DNAJC10: variants seen among roughly 807,000 people sequenced by gnomAD.
The protein encoded by DNAJC10 is DnaJ heat shock protein family (Hsp40) member C10.
In DNAJC10, 101 loss-of-function variants were observed where a neutral mutation model predicts 115.0. That is an observed-to-expected ratio of 0.88 (90% CI 0.75 to 1.04). The LOEUF (loss-of-function observed/expected upper bound fraction) is 1.04. DNAJC10 is among the 50% of genes least tolerant of loss of function. The probability of loss-of-function intolerance (pLI) is 0.00; values close to 1 mark genes in which losing one functional copy is unlikely to be tolerated. For missense variants in DNAJC10, 981 were observed against 928.8 expected, an observed-to-expected ratio of 1.06 and a Z score of -0.73; for synonymous variants, 307 against 301.5, an observed-to-expected ratio of 1.02 and a Z score of -0.19.
intron 14 of DNAJC10, among the ~76,000 whole-genome samples, chr2:182,750,753 T>G (rs1252567850): frequency 1.3e-5 from 2 of 152,198 alleles, no homozygotes; most frequent in Non-Finnish European, 2.9e-5. Context: ...TGTATCTAAA[T>G]GTATCTAAAC....
Position 182,757,830 on chromosome 2 carries a change from G to C in DNAJC10, c.1943+5G>C. On this transcript the variant is annotated splice_donor_5th_base_variant and intron_variant, in intron 19 of 23. Transcript: ENST00000264065. ...AAATAAAGCTTATCATTATCAGTAA[G>C]TATTCTCTCATATTTGAAGACATTT... 1 of 1,393,068 alleles carries C rather than the reference G, an allele frequency of 7.2e-7. No individual in the cohort carries two copies. Among genetic ancestry groups the C allele is most frequent in the Non-Finnish European group, 1.0e-6 (1 of 1,000,662 alleles). The allele number at this position is 1,393,068 out of a possible 1,614,324, so 86.3% of individuals were successfully genotyped here.
In DNAJC10 at chr2:182,777,521, A is replaced by G. The variant is rs1694739941; in HGVS notation, c.*389A>G. On this transcript the variant is annotated 3_prime_UTR_variant, in exon 24 of 24. Transcript: ENST00000264065. ...TGCTGTCCCCCTCGACGGACTTATA[A>G]TGTTTCAGGTGGCTGGCTTGAACAT... is the stretch of plus-strand genomic sequence containing the variant. The G allele has an allele frequency of 6.5e-6, 1 of 154,538 alleles. No individual in the cohort carries two copies. Among genetic ancestry groups the G allele is most frequent in the South Asian group, 2.1e-4 (1 of 4,870 alleles). 9.6% of individuals were successfully genotyped at this position (154,538 alleles called of 1,614,324 possible).
Position 182,779,125 on chromosome 2 carries a change from T to C in DNAJC10, c.*1993T>C, listed in dbSNP as rs1432072240. ...ATGTGTCCTATAATTTGACCTAAGCTGTGTGCCTTTGGAATCAGCTCTAAG... is the reference window on the plus strand; with the variant it reads ...ATGTGTCCTATAATTTGACCTAAGCCGTGTGCCTTTGGAATCAGCTCTAAG... On this transcript the variant is annotated 3_prime_UTR_variant, in exon 24 of 24. Coordinates refer to ENST00000264065, the MANE Select transcript of DNAJC10 (RefSeq NM_018981.4). The C allele has an allele frequency of 3.9e-5, 6 of 152,334 alleles. No individual in the cohort carries two copies. The East Asian group carries it at 7.7e-4, about 20-fold the overall frequency. 9.4% of individuals were successfully genotyped at this position (152,334 alleles called of 1,614,324 possible).
At chr2:182,745,870 C>G (rs1275221607) in intron 14 of DNAJC10, among the ~76,000 whole-genome samples, 7 of 152,042 alleles carry the variant, frequency 4.6e-5, no homozygotes, top group Admixed American at 4.6e-4. Flanking sequence ...GTATATCTCC[C>G]CATGCTATGT....
intron 22 of DNAJC10, among the ~76,000 whole-genome samples, chr2:182,771,310 A>C (rs1344238616): frequency 6.6e-6 from 1 of 152,128 alleles, no homozygotes; most frequent in African/African-American, 2.4e-5. Context: ...TGTCTCTGCC[A>C]GGCTTTGGTA....
rs575802611 is a variant in DNAJC10, at chr2:182,758,097, C to G, written c.1943+272C>G. ...TAAACACCTTATTTGGTTTCAGGTA[C>G]TATATTAGATACTTTACTCACCTTA... On this transcript the variant is annotated intron_variant, in intron 19 of 23. Transcript: ENST00000264065. 1.2e-3 allele frequency among the ~76,000 whole-genome samples: 186 copies of G among 152,222 alleles called. 1 individual carries two copies. The highest frequency in any genetic ancestry group is 4.2e-3 in the African/African-American group (176 of 41,554).
rs1694898249 is a variant in DNAJC10 at position 182,783,835 on chromosome 2, G to A, written c.*6703G>A. 6.6e-6 allele frequency: 1 copy of A among 152,008 alleles called. No individual in the cohort carries two copies. Among genetic ancestry groups the A allele is most frequent in the South Asian group, 2.1e-4 (1 of 4,814 alleles). 9.4% of individuals were successfully genotyped at this position (152,008 alleles called of 1,614,324 possible). On this transcript the variant is annotated 3_prime_UTR_variant, in exon 24 of 24. Transcript: ENST00000264065. ...TTTTTAGTATGTTAGCAATTCATCT[G>A]TCAATAATCACCAAAGAACTCAAGA...
chr2:182,752,244 G>T, intron 16 of DNAJC10, 56 bp downstream of exon 16: 1 of 905,122 alleles, frequency 1.1e-6, no homozygotes, highest in Non-Finnish European at 1.6e-6. Context: ...AAGACCTTTT[G>T]GCTGTTTATT....
intron 11 of DNAJC10, among the ~76,000 whole-genome samples, chr2:182,738,613 T>G (rs1197680681): frequency 6.6e-6 from 1 of 151,862 alleles, no homozygotes; most frequent in African/African-American, 2.4e-5. Flanking sequence ...CGATCTCCAC[T>G]CACTGCAAGC....
chr2:182,753,579 G>GTTTTTTTTTTTTTTTT (rs56151760), intron 16 of DNAJC10, among the ~76,000 whole-genome samples: 1 of 99,400 alleles, frequency 1.0e-5, no homozygotes. Context: ...CTTTAGTTTA[G>GTTTTTTTTTTTTTTTT]TTTTTTTTTT....
rs531050462 is a variant in DNAJC10 at position 182,775,777 on chromosome 2, A to C, written c.2370+357A>C. ...TCCATTGAATAGAATATTTTCAGCC[A>C]TAAAAGGAATGAAGTACTGACCTAT... On this transcript the variant is annotated intron_variant, in intron 23 of 23. Transcript: ENST00000264065. 9.4e-4 allele frequency among the ~76,000 whole-genome samples: 143 copies of C among 152,360 alleles called. 1 individual carries two copies. The highest frequency in any genetic ancestry group is 3.3e-3 in the African/African-American group (136 of 41,586).
chr2:182,721,630 G>A (rs1310025247), intron 4 of DNAJC10, among the ~76,000 whole-genome samples: 1 of 152,012 alleles, frequency 6.6e-6, no homozygotes, highest in Non-Finnish European at 1.5e-5. Context: ...CCTGGTTTTC[G>A]ATATTGTGCT....
intron 10 of DNAJC10, among the ~76,000 whole-genome samples, chr2:182,732,973 A>T (rs1232588872): frequency 6.6e-6 from 1 of 152,034 alleles, no homozygotes; most frequent in Non-Finnish European, 1.5e-5. Flanking sequence ...ACAAAGCCAC[A>T]CAAATTGTCA....
chr2:182,775,270 T>C (rs1378728577), intron 22 of DNAJC10, 46 bp from the exon 23 acceptor site: 9 of 1,216,304 alleles, frequency 7.4e-6, no homozygotes, highest in Middle Eastern at 2.3e-4. Flanking sequence ...GGAAATGTTA[T>C]GTTTTTATTA....
At chr2:182,777,056 C>T in intron 23 of DNAJC10, 65 bp from the exon 24 acceptor site, 1 of 1,094,000 alleles carries the variant, frequency 9.1e-7, no homozygotes, top group Non-Finnish European at 1.3e-6. Flanking sequence ...GGTATTTCAC[C>T]TTATTTTTAA....
rs754885947 is a variant in DNAJC10, at chr2:182,728,586, T to A, written c.429T>A (p.Val143=). The part of the protein sequence containing the change: ...TLERREFDAA[V]NSGELWFVNF... Reference sequence around the variant, plus strand: ...TTTATGTATTTTTAGATGCTGCTGTTAATTCTGGAGAACTGTGGTTTGTAA... The same window carrying A: ...TTTATGTATTTTTAGATGCTGCTGTAAATTCTGGAGAACTGTGGTTTGTAA... The change falls in exon 6 of 24, where the codon GTT becomes GTA. Residue 143 remains valine (V), a synonymous_variant. Transcript: ENST00000264065. The A allele has an allele frequency of 1.2e-5, 19 of 1,609,474 alleles. No individual in the cohort carries two copies. The highest frequency in any genetic ancestry group is 1.7e-4 in the Middle Eastern group (1 of 6,056).
In DNAJC10 at chr2:182,787,153, C is replaced by G. The variant is rs1312164740; in HGVS notation, c.*10021C>G. 1 of 152,156 alleles carries G rather than the reference C, an allele frequency of 6.6e-6. No homozygotes were observed. Among genetic ancestry groups the G allele is most frequent in the Non-Finnish European group, 1.5e-5 (1 of 68,058 alleles). The allele number at this position is 152,156 out of a possible 1,614,324, so 9.4% of individuals were successfully genotyped here. ...GGACAGACAATATATTGAAAAAAAT[C>G]AGTTTTGCAGTTCCACTGGTCAGGT... On this transcript the variant is annotated 3_prime_UTR_variant, in exon 24 of 24. Coordinates refer to ENST00000264065, the MANE Select transcript of DNAJC10 (RefSeq NM_018981.4).
At chr2:182,768,669 C>T (rs1247557346) in intron 22 of DNAJC10, among the ~76,000 whole-genome samples, 2 of 152,130 alleles carry the variant, frequency 1.3e-5, no homozygotes, top group Admixed American at 1.3e-4. Flanking sequence ...ATATGCTGAC[C>T]TGTTCCTTCC....
In DNAJC10 at chr2:182,782,933, A is replaced by G. The variant is rs1694880840; in HGVS notation, c.*5801A>G. ...TTTCTCTTGCCTGATTGTCCTGGCC[A>G]GAACTTCCAGTACATAGGAGTGGTG... On this transcript the variant is annotated 3_prime_UTR_variant, in exon 24 of 24. Coordinates refer to ENST00000264065, the MANE Select transcript of DNAJC10 (RefSeq NM_018981.4). 6.6e-6 allele frequency: 1 copy of G among 152,192 alleles called. No individual in the cohort carries two copies. Among genetic ancestry groups the G allele is most frequent in the African/African-American group, 2.4e-5 (1 of 41,452 alleles). The allele number at this position is 152,192 out of a possible 1,614,324, so 9.4% of individuals were successfully genotyped here. A position where few individuals can be genotyped will look rare whatever the true frequency, so the allele number is the denominator to read the frequency against.
Sources: gnomAD v4.1 joint callset for allele counts (sites outside exome capture counted in the v4.1 genomes callset) on GRCh38, gnomAD v4.1.1 for gene constraint, MANE v1.5 for transcripts, NCBI Gene and HGNC (gene_info 2026-07-23, HGNC 2026-07-21) for gene names.